The following PSG1 variants were observed in gnomAD, a reference collection of about 807,000 sequenced individuals.
The protein encoded by PSG1 is pregnancy-specific beta-1-glycoprotein 1.
A neutral mutation model predicts 41.4 loss-of-function variants in PSG1; 60 were observed. The ratio of observed to expected loss-of-function variants is 1.45; its 90% CI spans 1.18 to 1.80. PSG1 has a LOEUF of 1.80. Among genes scored for constraint, PSG1 ranks in the 40% most tolerant of loss-of-function variants. PSG1 has a pLI of 0.00. For synonymous variants in PSG1, 256 were observed against 192.9 expected (o/e 1.33, Z -2.71); for missense variants, 806 against 516.9 (o/e 1.56, Z -5.42).
intron 2 of PSG1, among the ~76,000 whole-genome samples, chr19:42,872,878 C>A (rs190003542): frequency 6.6e-6 from 1 of 151,882 alleles, no homozygotes; most frequent in Admixed American, 6.6e-5. Flanking sequence ...GTGGAAAGGG[C>A]GATCATGAAC....
chr19:42,873,389 G>GTGGATTTC lies in PSG1; in HGVS notation c.431-1352_431-1345dup, dbSNP rs1195188505. On this transcript the variant is annotated intron_variant, in intron 2 of 5. Coordinates refer to ENST00000436291, the MANE Select transcript of PSG1 (RefSeq NM_001184825.2). ...TGTTGAGTTTTGAGCATTTCAGATT[G>GTGGATTTC]TGGATTTCTGGATTTCCGATGCTCA... 3.3e-5 allele frequency among the ~76,000 whole-genome samples: 5 copies of GTGGATTTC among 151,734 alleles called. No individual in the cohort carries two copies. The East Asian group carries it at 9.7e-4, about 29-fold the overall frequency.
chr19:42,874,733 T>TCTCTAGAAAGTG (rs1189403015), intron 2 of PSG1, among the ~76,000 whole-genome samples: 7 of 151,628 alleles, frequency 4.6e-5, no homozygotes, highest in African/African-American at 1.5e-4. Flanking sequence ...AAGCTTGTTA[T>TCTCTAGAAAGTG]ACGCCTGTCA....
At chr19:42,878,478 C>G in intron 1 of PSG1, 200 bp from the exon 2 acceptor site, 2 of 967,464 alleles carry the variant, frequency 2.1e-6, no homozygotes, top group South Asian at 4.5e-5. Context: ...GTCCTACTGT[C>G]CTACTAGGTC....
rs759550580 is a variant in PSG1, at chr19:42,867,967, C to T, written c.1243+134G>A. 35 of 1,595,912 alleles carry T rather than the reference C, an allele frequency of 2.2e-5. 2 individuals are homozygous for T. The South Asian group carries it at 2.6e-4, about 12-fold the overall frequency. ...AGTTCTTAGACAAATTTGGAGGGTT[C>T]AGGAGGAGAATTTGGGATTTGCTTG... On this transcript the variant is annotated intron_variant, in intron 5 of 5. Transcript: ENST00000436291.
chr19:42,867,720 A>T (rs767398157), intron 5 of PSG1: 1 of 838,534 alleles, frequency 1.2e-6, no homozygotes, highest in Admixed American at 1.8e-5. Flanking sequence ...GGTTCCCAGA[A>T]GTATAGTTTA....
rs960004251 is a variant in PSG1 at position 42,873,187 on chromosome 19, A to C, written c.431-1142T>G. ...ACAGCCTCATGCCTATACTTCATAC[A>C]GATAAAGTGCTCCTTATGCAGAAAG... On this transcript the variant is annotated intron_variant, in intron 2 of 5. Transcript: ENST00000436291. 2.8e-4 allele frequency among the ~76,000 whole-genome samples: 43 copies of C among 151,850 alleles called. 1 individual carries two copies. The highest frequency in any genetic ancestry group is 1.5e-4 in the Non-Finnish European group (10 of 67,908).
Position 42,868,639 on chromosome 19 carries a change from C to T in PSG1, c.988+117G>A, listed in dbSNP as rs183517416. 1.2e-3 allele frequency: 1,766 copies of T among 1,526,326 alleles called. 47 individuals are homozygous for T. The highest frequency in any genetic ancestry group is 1.4e-3 in the Non-Finnish European group (1,625 of 1,130,612). The allele number at this position is 1,526,326 out of a possible 1,614,324, so 94.5% of individuals were successfully genotyped here. On this transcript the variant is annotated intron_variant, in intron 4 of 5. Coordinates refer to ENST00000436291, the MANE Select transcript of PSG1 (RefSeq NM_001184825.2). ...CAGGGCAGGGAGTCATGGCCAGCTC[C>T]GATGTCCAGAAGTAAAGGTGTCTAT...
chr19:42,868,480 C>T, intron 4 of PSG1, 125 bp from the exon 5 acceptor site: 1 of 1,483,564 alleles, frequency 6.7e-7, no homozygotes, highest in Non-Finnish European at 9.0e-7. Flanking sequence ...CCAACCCCCT[C>T]TATGTTCACT....
Position 42,868,302 on chromosome 19 carries a change from C to A in PSG1, c.1042G>T (p.Glu348Ter). 10 of 1,612,046 alleles carry A rather than the reference C, an allele frequency of 6.2e-6. No individual in the cohort carries two copies. Among genetic ancestry groups the A allele is most frequent in the Non-Finnish European group, 8.5e-6 (10 of 1,178,958 alleles). ...GCAGAACAGGACAAGTAGAGGACTTCTCCTGAACGGTAATAGGTGAATGAA... is the reference window on the plus strand; with the variant it reads ...GCAGAACAGGACAAGTAGAGGACTTATCCTGAACGGTAATAGGTGAATGAA... ...YPSFTYYRSG[E>*]VLYLSCSADS... The change falls in exon 5 of 6, where the codon GAA (glutamate) becomes TAA (stop). Residue 348 changes from glutamate to a stop codon, truncating the protein, a stop_gained. Coordinates refer to ENST00000436291, the MANE Select transcript of PSG1 (RefSeq NM_001184825.2). LOFTEE classifies it high-confidence loss of function.
intron 2 of PSG1, 92 bp downstream of exon 2, chr19:42,877,821 C>G (rs1971673827): frequency 1.2e-6 from 2 of 1,603,716 alleles, no homozygotes; most frequent in African/African-American, 1.3e-5. Flanking sequence ...CAGTGAGTGA[C>G]ACAGGCAGAG....
intron 3 of PSG1, chr19:42,870,515 C>G (rs1287085885): frequency 6.6e-6 from 1 of 151,614 alleles, no homozygotes; most frequent in East Asian, 1.9e-4. Flanking sequence ...TTGCTATTTT[C>G]TATGTCATCA....
In PSG1 at chr19:42,879,594, T is replaced by C. The variant is rs1064476; in HGVS notation, c.-13A>G. On this transcript the variant is annotated 5_prime_UTR_variant, in exon 1 of 6. Transcript: ENST00000436291. ...AGAGGGTTCCCATGGTCTCTGCTGC[T>C]TGTGTGTTCTCCTCTGTGGAGATAA... 2.1e-5 allele frequency: 34 copies of C among 1,609,684 alleles called. No individual in the cohort carries two copies. The highest frequency in any genetic ancestry group is 3.3e-5 in the Admixed American group (2 of 59,708).
chr19:42,871,729 A>T, intron 3 of PSG1, 38 bp downstream of exon 3: 1 of 1,612,546 alleles, frequency 6.2e-7, no homozygotes, highest in South Asian at 1.1e-5. Flanking sequence ...TGTATTTGGG[A>T]TGGCAGCCTG....
At chr19:42,871,712 G>A in intron 3 of PSG1, 55 bp downstream of exon 3, 1 of 1,612,462 alleles carries the variant, frequency 6.2e-7, no homozygotes, top group African/African-American at 1.3e-5. Flanking sequence ...CCTGGCCTCT[G>A]GCCACGTGTA....
chr19:42,879,431 T>G, intron 1 of PSG1, 87 bp downstream of exon 1: 2 of 1,565,586 alleles, frequency 1.3e-6, no homozygotes, highest in Non-Finnish European at 1.7e-6. Context: ...GCTTCTTTCA[T>G]TTTTTAGAAC....
rs1443789377 is a variant in PSG1 at position 42,871,833 on chromosome 19, A to G, written c.643T>C (p.Tyr215His). 6.2e-7 allele frequency: 1 copy of G among 1,612,578 alleles called. No homozygotes were observed. Among genetic ancestry groups the G allele is most frequent in the Non-Finnish European group, 8.5e-7 (1 of 1,179,254 alleles). Residue 215 changes from tyrosine to histidine, a missense_variant, in exon 3 of 6, where the codon TAT (tyrosine) becomes CAT (histidine). By Grantham distance (83) the Tyr-to-His change is moderately conservative (BLOSUM62 2). Transcript: ENST00000436291. ...ACTGGGTTCCGTATTTCACATTCATAGGGTCCTGCAGTATACTTTGTGACA... is the reference window on the plus strand; with the variant it reads ...ACTGGGTTCCGTATTTCACATTCATGGGGTCCTGCAGTATACTTTGTGACA... ...LGVTKYTAGPYECEIRNPVSA... is the reference protein window; with the variant it reads ...LGVTKYTAGPHECEIRNPVSA...
Position 42,879,631 on chromosome 19 carries a change from A to C in PSG1, c.-50T>G. The C allele has an allele frequency of 6.2e-7, 1 of 1,603,304 alleles. No individual in the cohort carries two copies. The highest frequency in any genetic ancestry group is 8.5e-7 in the Non-Finnish European group (1 of 1,173,802). ...CTCTGTGGAGATAAGCCTAGGATCC[A>C]GAAACTCTCTGAGCACGGCTGTCAG... On this transcript the variant is annotated 5_prime_UTR_variant, in exon 1 of 6. Transcript: ENST00000436291.
intron 2 of PSG1, among the ~76,000 whole-genome samples, chr19:42,875,688 C>G (rs1482643416): frequency 6.6e-6 from 1 of 151,578 alleles, no homozygotes; most frequent in Non-Finnish European, 1.5e-5. Context: ...TTGAAAATCT[C>G]TAAGCCCTGA....
chr19:42,867,794 C>A (rs753535825), intron 5 of PSG1: 3 of 1,131,034 alleles, frequency 2.7e-6, no homozygotes, highest in Non-Finnish European at 3.9e-6. Context: ...GAAAACAAAC[C>A]ATTTAAAGAA....
Sources: allele counts gnomAD v4.1 joint callset (sites outside exome capture counted in the v4.1 genomes callset), GRCh38; gene constraint gnomAD v4.1.1; transcripts MANE v1.5; gene names NCBI Gene and HGNC (gene_info 2026-07-23, HGNC 2026-07-21).